Variants in DTNA observed in about 807,000 individuals in gnomAD.
DTNA encodes the protein dystrobrevin alpha.
A neutral mutation model predicts 100.7 loss-of-function variants in DTNA; 43 were observed. The observed-to-expected ratio is 0.43, with a 90% CI of 0.33 to 0.55. DTNA has a LOEUF of 0.55. DTNA is among the 20% of genes least tolerant of loss of function. The probability of loss-of-function intolerance (pLI) is 0.04; values close to 1 mark genes in which losing one functional copy is unlikely to be tolerated. For missense variants in DTNA, 798 were observed against 953.9 expected, an observed-to-expected ratio of 0.84 and a Z score of 2.15; for synonymous variants, 349 against 347.9, an observed-to-expected ratio of 1.00 and a Z score of -0.04.
At chr18:34,768,280 G>C (rs1377918310) in intron 3 of DTNA, among the ~76,000 whole-genome samples, 1 of 150,786 alleles carries the variant, frequency 6.6e-6, no homozygotes, top group Non-Finnish European at 1.5e-5. Flanking sequence ...TCCAATAAAA[G>C]ACTACAAAAT....
chr18:34,528,587 G>A (rs1327795013), intron 1 of DTNA, among the ~76,000 whole-genome samples: 1 of 151,804 alleles, frequency 6.6e-6, no homozygotes, highest in Non-Finnish European at 1.5e-5. Context: ...TTTCTAAAGA[G>A]GAAAAAAAAG....
chr18:34,733,965 T>G (rs2088933769), intron 1 of DTNA, among the ~76,000 whole-genome samples: 1 of 152,224 alleles, frequency 6.6e-6, no homozygotes, highest in Non-Finnish European at 1.5e-5. Flanking sequence ...CTGATCCAAC[T>G]CTATGTTCCT....
In DTNA at chr18:34,835,610, C is replaced by T. The variant is rs79144802; in HGVS notation, c.1176-2484C>T. Among the ~76,000 whole-genome samples, 1,370 of 152,250 alleles carry T rather than the reference C, an allele frequency of 9.0e-3. 23 individuals are homozygous for T. Among genetic ancestry groups the T allele is most frequent in the African/African-American group, 0.03 (1,231 of 41,542 alleles). ...AGGAGAAGGCCACCAAAGGAAAGTC[C>T]GGCCTATCGCCCCCTTCTCTCAGCC... On this transcript the variant is annotated intron_variant, in intron 11 of 22. Coordinates refer to ENST00000444659, the MANE Select transcript of DTNA (RefSeq NM_001386795.1).
intron 1 of DTNA, among the ~76,000 whole-genome samples, chr18:34,714,740 A>G (rs1436408356): frequency 5.9e-5 from 9 of 152,190 alleles, no homozygotes; most frequent in Non-Finnish European, 8.8e-5. Flanking sequence ...TCATGCTGCT[A>G]TAAAGACACA....
chr18:34,743,273 G>C (rs918500610), intron 1 of DTNA, among the ~76,000 whole-genome samples: 5 of 152,148 alleles, frequency 3.3e-5, no homozygotes, highest in Middle Eastern at 3.4e-3. Context: ...CATAACTTTT[G>C]GCTGCTCATA....
intron 4 of DTNA, among the ~76,000 whole-genome samples, chr18:34,800,876 T>C (rs1311666635): frequency 1.3e-5 from 2 of 152,180 alleles, no homozygotes; most frequent in African/African-American, 4.8e-5. Flanking sequence ...CAAAAACAAA[T>C]ATTCTCTTCC....
chr18:34,829,006 C>G (rs1330840602), intron 10 of DTNA: 1 of 1,613,476 alleles, frequency 6.2e-7, no homozygotes, highest in Non-Finnish European at 8.5e-7. Context: ...GAGGTAGACC[C>G]CATCCTTACT....
chr18:34,778,322 A>G (rs2094155031), intron 3 of DTNA, among the ~76,000 whole-genome samples: 1 of 152,230 alleles, frequency 6.6e-6, no homozygotes, highest in Non-Finnish European at 1.5e-5. Context: ...TTTTAAAAAG[A>G]CAATTGCATT....
At chr18:34,782,586 G>T (rs9966287) in intron 3 of DTNA, among the ~76,000 whole-genome samples, 1 of 152,090 alleles carries the variant, frequency 6.6e-6, no homozygotes. Flanking sequence ...CATGTGAGTG[G>T]TACCTTGAGG....
At chr18:34,615,157 CAGA>C (rs1363793157) in intron 1 of DTNA, among the ~76,000 whole-genome samples, 3 of 152,118 alleles carry the variant, frequency 2.0e-5, no homozygotes, top group Non-Finnish European at 4.4e-5. Context: ...CTTTGACTTA[CAGA>C]AGAAGGCAAA....
intron 16 of DTNA, among the ~76,000 whole-genome samples, chr18:34,863,650 T>A (rs554766841): frequency 1.3e-5 from 2 of 152,230 alleles, no homozygotes; most frequent in African/African-American, 2.4e-5. Context: ...AGGGACCCCA[T>A]AGCACATCAC....
At chr18:34,865,165 A>T (rs552621975) in intron 17 of DTNA, among the ~76,000 whole-genome samples, 2 of 152,342 alleles carry the variant, frequency 1.3e-5, no homozygotes, top group South Asian at 4.1e-4. Flanking sequence ...CATTTGCGAG[A>T]GAGGGTCTCC....
At chr18:34,872,675 C>T (rs1454689035) in intron 17 of DTNA, among the ~76,000 whole-genome samples, 1 of 152,212 alleles carries the variant, frequency 6.6e-6, no homozygotes, top group Non-Finnish European at 1.5e-5. Context: ...ACCCTGAGCA[C>T]CCATACATCT....
At chr18:34,809,886 C>T (rs535605543) in intron 5 of DTNA, among the ~76,000 whole-genome samples, 4 of 152,252 alleles carry the variant, frequency 2.6e-5, no homozygotes, top group East Asian at 3.9e-4. Context: ...AGGGTGTTCC[C>T]TGTGTAATTC....
intron 1 of DTNA, among the ~76,000 whole-genome samples, chr18:34,550,896 A>G (rs1432804399): frequency 4.6e-5 from 7 of 152,180 alleles, no homozygotes; most frequent in Admixed American, 6.5e-5. Flanking sequence ...TCTGATCACT[A>G]TATTTATTCC....
At chr18:34,689,908 A>T (rs1422363128) in intron 1 of DTNA, among the ~76,000 whole-genome samples, 1 of 152,096 alleles carries the variant, frequency 6.6e-6, no homozygotes, top group African/African-American at 2.4e-5. Context: ...GGTGGGCCCC[A>T]CCCAGTCTGA....
At chr18:34,865,001 CAT>C (rs1240184222) in intron 17 of DTNA, among the ~76,000 whole-genome samples, 2 of 152,194 alleles carry the variant, frequency 1.3e-5, no homozygotes, top group Admixed American at 1.3e-4. Flanking sequence ...ATTATGGCCA[CAT>C]GTCTACAGTC....
At chr18:34,834,792 A>G (rs1022765415) in intron 11 of DTNA, among the ~76,000 whole-genome samples, 5 of 152,146 alleles carry the variant, frequency 3.3e-5, no homozygotes, top group African/African-American at 1.2e-4. Flanking sequence ...CCATAACCCA[A>G]ACACCTCCCA....
intron 1 of DTNA, among the ~76,000 whole-genome samples, chr18:34,605,277 A>G (rs1311434208): frequency 6.6e-6 from 1 of 152,154 alleles, no homozygotes; most frequent in Non-Finnish European, 1.5e-5. Flanking sequence ...ATATTGTTCT[A>G]TATTTGTAAA....
Sources: allele counts gnomAD v4.1 joint callset (sites outside exome capture counted in the v4.1 genomes callset), GRCh38; gene constraint gnomAD v4.1.1; transcripts MANE v1.5; gene names NCBI Gene and HGNC (gene_info 2026-07-23, HGNC 2026-07-21).